STAG1: variants seen among roughly 807,000 people sequenced by gnomAD.
STAG1 encodes STAG1 cohesin complex component.
A neutral mutation model predicts 170.9 loss-of-function variants in STAG1; 26 were observed. That is an observed-to-expected ratio of 0.15 (90% confidence interval 0.11 to 0.21). STAG1 has a LOEUF of 0.21. Ranked by LOEUF, STAG1 falls within the 10% of genes least tolerant of loss-of-function variation. The pLI is 1.00. For missense variants in STAG1, 964 were observed against 1,509.5 expected (o/e 0.64, Z 5.99); for synonymous variants, 514 against 497.7 (o/e 1.03, Z -0.44).
At chr3:136,704,637 G>A (rs1204923680) in intron 1 of STAG1, among the ~76,000 whole-genome samples, 1 of 151,316 alleles carries the variant, frequency 6.6e-6, no homozygotes, top group Non-Finnish European at 1.5e-5. Context: ...AGACCAACCT[G>A]GGAAACATAA....
chr3:136,551,598 A>G (rs1176916541), intron 5 of STAG1, among the ~76,000 whole-genome samples: 2 of 150,054 alleles, frequency 1.3e-5, no homozygotes, highest in Admixed American at 1.3e-4. Context: ...ATTTCTGAAT[A>G]GTTCATGTGT....
intron 2 of STAG1, among the ~76,000 whole-genome samples, chr3:136,626,378 T>A (rs867584663): frequency 6.8e-5 from 10 of 146,514 alleles, no homozygotes; most frequent in South Asian, 2.1e-4. Flanking sequence ...CGAGCCAAGA[T>A]CACGCCACTG....
intron 21 of STAG1, among the ~76,000 whole-genome samples, chr3:136,401,445 ATT>A: frequency 6.6e-6 from 1 of 152,200 alleles, no homozygotes; most frequent in East Asian, 1.9e-4. Flanking sequence ...GTACAATGTT[ATT>A]AGATATTCTG....
chr3:136,430,658 T>A (rs1336081500), intron 16 of STAG1, among the ~76,000 whole-genome samples: 1 of 148,646 alleles, frequency 6.7e-6, no homozygotes. Context: ...AAATATCTCA[T>A]AGTGTTTTAA....
At chr3:136,579,284 G>A (rs543759031) in intron 4 of STAG1, among the ~76,000 whole-genome samples, 1 of 152,336 alleles carries the variant, frequency 6.6e-6, no homozygotes, top group East Asian at 1.9e-4. Flanking sequence ...ACTCAACTAA[G>A]TATGAATGCT....
chr3:136,348,838 A>T (rs926980850), intron 29 of STAG1: 2 of 295,812 alleles, frequency 6.8e-6, no homozygotes, highest in East Asian at 8.5e-5. Flanking sequence ...ATTTTAATAG[A>T]ATAGCATTGT....
chr3:136,751,603 T>TGCCCCACCCCGCC (rs1015038563), intron 1 of STAG1, among the ~76,000 whole-genome samples: 3 of 151,178 alleles, frequency 2.0e-5, no homozygotes, highest in African/African-American at 7.3e-5. Flanking sequence ...GCCACCCCGC[T>TGCCCCACCCCGCC]GCCCCACCCC....
intron 1 of STAG1, among the ~76,000 whole-genome samples, chr3:136,746,631 C>T (rs1257067895): frequency 1.3e-5 from 2 of 152,152 alleles, no homozygotes; most frequent in African/African-American, 4.8e-5. Context: ...ACCAATAATA[C>T]CCCTACTCTG....
rs1576494132 is a variant in STAG1, at chr3:136,464,968, G to A, written c.1226C>T (p.Ser409Phe). 2 of 1,608,840 alleles carry A rather than the reference G, an allele frequency of 1.2e-6. No individual in the cohort carries two copies. The highest frequency in any genetic ancestry group is 1.7e-6 in the Non-Finnish European group (2 of 1,177,670). ...GTAAACATTTTCACAGTCTTCATTG[G>A]AAAGAGCTTCTTCACTTCCACTGAA... ...LILHGSEEAL[S>F]NEDCENVYHL... is the part of the protein sequence containing the mutation. The change falls in exon 13 of 34, where the codon TCC becomes TTC. Residue 409 changes from serine to phenylalanine, a missense_variant. By Grantham distance (155) the Ser-to-Phe change is radical (BLOSUM62 -2). Transcript: ENST00000383202.
At chr3:136,491,297 C>T (rs2107845129) in intron 9 of STAG1, among the ~76,000 whole-genome samples, 1 of 152,172 alleles carries the variant, frequency 6.6e-6, no homozygotes, top group South Asian at 2.1e-4. Flanking sequence ...CTCTCTTTTC[C>T]TGAAACTTCT....
At chr3:136,547,821 T>C (rs1158766814) in intron 5 of STAG1, among the ~76,000 whole-genome samples, 3 of 152,238 alleles carry the variant, frequency 2.0e-5, no homozygotes, top group Admixed American at 2.0e-4. Flanking sequence ...TCTCCCTATG[T>C]TTTCTTCTAA....
At chr3:136,694,911 T>C (rs1485746561) in intron 1 of STAG1, among the ~76,000 whole-genome samples, 3 of 152,154 alleles carry the variant, frequency 2.0e-5, no homozygotes, top group African/African-American at 4.8e-5. Flanking sequence ...AATATCACAA[T>C]AGAACAGAAG....
intron 9 of STAG1, among the ~76,000 whole-genome samples, chr3:136,478,334 C>T (rs901239446): frequency 1.3e-5 from 2 of 152,148 alleles, no homozygotes; most frequent in Admixed American, 1.3e-4. Flanking sequence ...AAGTAAGCAT[C>T]CAATATAACC....
intron 1 of STAG1, among the ~76,000 whole-genome samples, chr3:136,745,458 G>A (rs1440774945): frequency 1.3e-5 from 2 of 152,176 alleles, no homozygotes; most frequent in Non-Finnish European, 2.9e-5. Context: ...CGGATGGGGT[G>A]GGGAATCAGA....
chr3:136,456,901 A>G (rs1421293055), intron 13 of STAG1, among the ~76,000 whole-genome samples: 1 of 152,196 alleles, frequency 6.6e-6, no homozygotes, highest in East Asian at 1.9e-4. Context: ...AGAATACTGT[A>G]CCTAACAATA....
At position 136,620,794 on chromosome 3, in the gene STAG1, T is replaced by A. The variant is rs148009189; in HGVS notation, c.132+2352A>T. On this transcript the variant is annotated intron_variant, in intron 3 of 33. Coordinates refer to ENST00000383202, the MANE Select transcript of STAG1 (RefSeq NM_005862.3). Reference sequence around the variant, plus strand: ...ACTACTTTCTTATACTGGTTGACATTTTTTCAATACTGTAAATATGGCATG... The same window carrying A: ...ACTACTTTCTTATACTGGTTGACATATTTTCAATACTGTAAATATGGCATG... 1.4e-4 allele frequency among the ~76,000 whole-genome samples: 21 copies of A among 152,332 alleles called. No individual in the cohort carries two copies. In the East Asian group the frequency reaches 4.0e-3, roughly 29 times the overall value.
chr3:136,618,371 C>A (rs1358766349), intron 3 of STAG1, among the ~76,000 whole-genome samples: 1 of 152,240 alleles, frequency 6.6e-6, no homozygotes, highest in South Asian at 2.1e-4. Context: ...TCCAAGTGTG[C>A]ACTCACCATT....
chr3:136,730,872 T>C (rs1413166415), intron 1 of STAG1, among the ~76,000 whole-genome samples: 1 of 152,208 alleles, frequency 6.6e-6, no homozygotes, highest in African/African-American at 2.4e-5. Context: ...GCAATGATTC[T>C]TAAACTTCAG....
intron 14 of STAG1, among the ~76,000 whole-genome samples, chr3:136,450,588 C>T (rs191999784): frequency 6.4e-4 from 97 of 152,300 alleles, no homozygotes; most frequent in African/African-American, 2.3e-3. Flanking sequence ...CTTATTCCTA[C>T]TAAGTTCCCC....
Sources: gnomAD v4.1 joint callset for allele counts (sites outside exome capture counted in the v4.1 genomes callset) on GRCh38, gnomAD v4.1.1 for gene constraint, MANE v1.5 for transcripts, NCBI Gene and HGNC (gene_info 2026-07-23, HGNC 2026-07-21) for gene names.